The following SDK1 variants were observed in gnomAD, a reference collection of about 807,000 sequenced individuals.
SDK1 encodes protein sidekick-1.
SDK1 carries 157 observed loss-of-function variants against 245.5 expected under a neutral mutation model. That is an observed-to-expected ratio of 0.64 (90% CI 0.56 to 0.73). The LOEUF is 0.73. Ranked by LOEUF, SDK1 falls within the 30% of genes least tolerant of loss-of-function variation. The pLI, the probability that SDK1 is intolerant of heterozygous loss-of-function variation, is 0.00. For missense variants in SDK1, 3,583 were observed against 3,002.3 expected, an observed-to-expected ratio of 1.19 and a Z score of -4.52; for synonymous variants, 1,647 against 1,278.5, an observed-to-expected ratio of 1.29 and a Z score of -6.15.
At chr7:3,501,810 C>T (rs913904100) in intron 1 of SDK1, among the ~76,000 whole-genome samples, 30 of 152,228 alleles carry the variant, frequency 2.0e-4, no homozygotes, top group African/African-American at 7.2e-4. Flanking sequence ...AGTAATGGGA[C>T]ACTGTATTTT....
At chr7:3,623,288 C>T (rs1022172313) in intron 2 of SDK1, among the ~76,000 whole-genome samples, 4 of 138,958 alleles carry the variant, frequency 2.9e-5, no homozygotes, top group Non-Finnish European at 6.1e-5. Flanking sequence ...CACTCTGTTG[C>T]CCAGGCTGAT....
At position 3,425,887 on chromosome 7, in the gene SDK1, G is replaced by A. The variant is rs779235731; in HGVS notation, c.298+124003G>A. On this transcript the variant is annotated intron_variant, in intron 1 of 44. Transcript: ENST00000404826. ...GTCTTTCTAAAAACAAAAGATAAGA[G>A]ACAATAGGAGCCCACATAGGATGGA... Among the ~76,000 whole-genome samples, 4 of 152,132 alleles carry A rather than the reference G, an allele frequency of 2.6e-5. No individual in the cohort carries two copies. The South Asian group carries it at 8.3e-4, about 32-fold the overall frequency.
intron 1 of SDK1, among the ~76,000 whole-genome samples, chr7:3,616,082 C>T (rs576145295): frequency 6.6e-6 from 1 of 152,152 alleles, no homozygotes; most frequent in African/African-American, 2.4e-5. Context: ...GAGATGGGGT[C>T]TCACTGTGTT....
At chr7:3,564,843 T>C (rs978589866) in intron 1 of SDK1, among the ~76,000 whole-genome samples, 4 of 152,102 alleles carry the variant, frequency 2.6e-5, no homozygotes, top group African/African-American at 7.2e-5. Flanking sequence ...TCAGCAATTT[T>C]CTGAAGTTAA....
chr7:3,483,867 G>A (rs904555526), intron 1 of SDK1, among the ~76,000 whole-genome samples: 12 of 151,842 alleles, frequency 7.9e-5, no homozygotes, highest in African/African-American at 1.7e-4. Flanking sequence ...TTATATATAC[G>A]TTGGATAAGC....
At chr7:3,634,009 G>A (rs1022835678) in intron 2 of SDK1, among the ~76,000 whole-genome samples, 2 of 152,110 alleles carry the variant, frequency 1.3e-5, no homozygotes, top group Admixed American at 6.5e-5. Flanking sequence ...TGTCAGATGA[G>A]TTCTCCTTTA....
chr7:3,917,426 G>A (rs1779422580), intron 5 of SDK1, among the ~76,000 whole-genome samples: 1 of 152,200 alleles, frequency 6.6e-6, no homozygotes, highest in African/African-American at 2.4e-5. Flanking sequence ...ACAGAAAGGT[G>A]TGACAGATTC....
chr7:3,399,674 C>T (rs1778829997), intron 1 of SDK1, among the ~76,000 whole-genome samples: 1 of 152,094 alleles, frequency 6.6e-6, no homozygotes, highest in East Asian at 1.9e-4. Context: ...ACACTGAAAT[C>T]TCTGTTGGGT....
intron 22 of SDK1, among the ~76,000 whole-genome samples, chr7:4,106,079 C>G (rs933950972): frequency 6.6e-6 from 1 of 152,118 alleles, no homozygotes; most frequent in Non-Finnish European, 1.5e-5. Flanking sequence ...GTGGTCCACC[C>G]TTTTCCCAAT....
At position 4,208,551 on chromosome 7, in the gene SDK1, C is replaced by A. The variant is rs1784360425; in HGVS notation, c.5401+266C>A. 2.0e-5 allele frequency among the ~76,000 whole-genome samples: 3 copies of A among 152,220 alleles called. No homozygotes were observed. In the South Asian group the frequency reaches 6.2e-4, roughly 31 times the overall value. On this transcript the variant is annotated intron_variant, in intron 37 of 44. Coordinates refer to ENST00000404826, the MANE Select transcript of SDK1 (RefSeq NM_152744.4). ...GCTTTTTCCCAGAGCCCTGGAGATT[C>A]AGAGGGGAGGAAGGGCTTTGAGTCT...
chr7:3,772,172 T>C (rs1780423564), intron 4 of SDK1, among the ~76,000 whole-genome samples: 1 of 152,226 alleles, frequency 6.6e-6, no homozygotes, highest in African/African-American at 2.4e-5. Flanking sequence ...CTTATCACTT[T>C]TTTGGTTTTC....
intron 1 of SDK1, among the ~76,000 whole-genome samples, chr7:3,602,086 A>G (rs1426834829): frequency 1.3e-5 from 2 of 151,966 alleles, no homozygotes; most frequent in African/African-American, 2.4e-5. Context: ...GTTGTTGGAC[A>G]TTTAGGTTGG....
intron 4 of SDK1, among the ~76,000 whole-genome samples, chr7:3,760,877 C>G (rs114181281): frequency 6.6e-6 from 1 of 152,210 alleles, no homozygotes; most frequent in Non-Finnish European, 1.5e-5. Context: ...ATCAACAGTT[C>G]ATTCCTTTTA....
chr7:3,753,525 G>A (rs1255346764), intron 4 of SDK1, among the ~76,000 whole-genome samples: 4 of 152,204 alleles, frequency 2.6e-5, no homozygotes, highest in African/African-American at 9.6e-5. Flanking sequence ...CAGCCAGGTT[G>A]CAGTCACCCC....
chr7:3,616,527 C>G (rs1781777812), intron 1 of SDK1, among the ~76,000 whole-genome samples: 1 of 152,220 alleles, frequency 6.6e-6, no homozygotes, highest in African/African-American at 2.4e-5. Context: ...GTGCTGCCAA[C>G]ACTTTTGTTC....
chr7:4,181,431 C>T (rs563821730), intron 35 of SDK1, among the ~76,000 whole-genome samples: 5 of 152,320 alleles, frequency 3.3e-5, no homozygotes, highest in African/African-American at 1.2e-4. Flanking sequence ...TTCAGCAGTG[C>T]AGAGCTGAGA....
intron 35 of SDK1, among the ~76,000 whole-genome samples, chr7:4,190,251 A>G (rs1271133519): frequency 6.6e-6 from 1 of 152,212 alleles, no homozygotes; most frequent in Admixed American, 6.5e-5. Flanking sequence ...GACATTGTGC[A>G]AACCACAGGC....
intron 5 of SDK1, among the ~76,000 whole-genome samples, chr7:3,894,442 G>A (rs1228908682): frequency 2.0e-5 from 3 of 152,000 alleles, no homozygotes; most frequent in East Asian, 3.9e-4. Flanking sequence ...GCCAGGCTCC[G>A]GGGGTGGTGG....
chr7:4,189,619 G>A (rs1198402091), intron 35 of SDK1, among the ~76,000 whole-genome samples: 1 of 152,210 alleles, frequency 6.6e-6, no homozygotes, highest in Admixed American at 6.5e-5. Flanking sequence ...AGAGGCCAAG[G>A]CGGGTGGATT....
Sources: allele counts gnomAD v4.1 joint callset (sites outside exome capture counted in the v4.1 genomes callset), GRCh38; gene constraint gnomAD v4.1.1; transcripts MANE v1.5; gene names NCBI Gene and HGNC (gene_info 2026-07-23, HGNC 2026-07-21).